DSCAML1: variants seen among roughly 807,000 people sequenced by gnomAD.
DSCAML1 encodes DS cell adhesion molecule like 1.
Under a neutral mutation model 200.5 loss-of-function variants are expected in DSCAML1, and 38 were observed. The observed-to-expected ratio is 0.19, with a 90% confidence interval of 0.15 to 0.25. The LOEUF is 0.25. DSCAML1 is among the 10% of genes least tolerant of loss of function. The probability of loss-of-function intolerance (pLI) is 1.00; values close to 1 mark genes in which losing one functional copy is unlikely to be tolerated. For synonymous variants in DSCAML1, 1,215 were observed against 1,165.0 expected (o/e 1.04, Z -0.87); for missense variants, 2,223 against 2,858.8 (o/e 0.78, Z 5.07).
chr11:117,775,998 G>T (rs1224585121), intron 3 of DSCAML1, among the ~76,000 whole-genome samples: 1 of 152,124 alleles, frequency 6.6e-6, no homozygotes, highest in African/African-American at 2.4e-5. Flanking sequence ...GGAAGAAAAC[G>T]CAGCAGAACC....
intron 3 of DSCAML1, among the ~76,000 whole-genome samples, chr11:117,602,022 C>G (rs1022688153): frequency 3.3e-5 from 5 of 152,240 alleles, no homozygotes; most frequent in African/African-American, 4.8e-5. Context: ...TGTAATGAGG[C>G]CATGAACCTG....
chr11:117,505,611 C>A lies in DSCAML1; in HGVS notation c.1905G>T (p.Gln635His). The change falls in exon 9 of 33, where the codon CAG (glutamine) becomes CAT (histidine). Residue 635 changes from glutamine to histidine, a missense_variant. By Grantham distance (24) the Gln-to-His change is conservative. Around this residue, in one of 7 missense-constraint regions of DSCAML1, gnomAD observed 212 missense variants for 368.0 expected, o/e 0.58. Transcript: ENST00000651296. This position sits in a 1 kb window ranked among gnomAD's most constrained non-coding sequence, Gnocchi z 6.7. ...TCACGCCCGAGCCTGAGATGATCAC[C>A]TGTCCGTCCTTCCTCCAGGTGATAC... ...PIRITWRKDG[Q>H]VIISGSGVTI... is the part of the protein sequence containing the mutation. The A allele has an allele frequency of 6.2e-7, 1 of 1,614,080 alleles. No homozygotes were observed. Among genetic ancestry groups the A allele is most frequent in the Non-Finnish European group, 8.5e-7 (1 of 1,180,038 alleles).
intron 3 of DSCAML1, among the ~76,000 whole-genome samples, chr11:117,684,406 G>A (rs187910728): frequency 2.0e-4 from 29 of 142,866 alleles, no homozygotes; most frequent in Admixed American, 9.4e-4. Context: ...TTTTTAGCTG[G>A]GAACAAACTG....
intron 3 of DSCAML1, among the ~76,000 whole-genome samples, chr11:117,555,927 A>C (rs1359648299): frequency 7.8e-6 from 1 of 128,674 alleles, no homozygotes; most frequent in Admixed American, 8.6e-5. Context: ...GGGGGAGCTT[A>C]TTCCAAGGGT....
intron 3 of DSCAML1, among the ~76,000 whole-genome samples, chr11:117,723,563 C>T (rs1431994709): frequency 2.6e-5 from 4 of 152,218 alleles, no homozygotes; most frequent in African/African-American, 9.7e-5. Flanking sequence ...TGAACCCACC[C>T]TGATTTCTGG....
intron 3 of DSCAML1, among the ~76,000 whole-genome samples, chr11:117,653,280 A>G (rs2052668377): frequency 6.6e-6 from 1 of 152,184 alleles, no homozygotes; most frequent in African/African-American, 2.4e-5. Context: ...GATTTTCCCC[A>G]GCCATGAAGT....
At chr11:117,528,742 A>C (rs1831608715) in intron 4 of DSCAML1, among the ~76,000 whole-genome samples, 1 of 152,162 alleles carries the variant, frequency 6.6e-6, no homozygotes, top group Non-Finnish European at 1.5e-5. Context: ...GCAGGTGACA[A>C]TGCCCATCCC....
intron 3 of DSCAML1, among the ~76,000 whole-genome samples, chr11:117,640,624 C>T (rs1419440578): frequency 1.3e-5 from 2 of 152,208 alleles, no homozygotes; most frequent in Non-Finnish European, 2.9e-5. Flanking sequence ...TTCTTCAAAA[C>T]ATGCCTTTAA....
intron 4 of DSCAML1, 114 bp from the exon 5 acceptor site, chr11:117,525,197 C>T (rs541635926): frequency 1.5e-5 from 20 of 1,310,164 alleles, no homozygotes; most frequent in African/African-American, 7.5e-5. Context: ...GCGCCCACAG[C>T]GAGCAGTTTC....
At chr11:117,758,016 A>G in intron 3 of DSCAML1, among the ~76,000 whole-genome samples, 1 of 132,690 alleles carries the variant, frequency 7.5e-6, no homozygotes, top group Non-Finnish European at 1.7e-5. Context: ...CAAACAAACA[A>G]AAATGGTCAG....
Position 117,530,161 on chromosome 11 carries a change from G to A in DSCAML1, c.658+2215C>T, listed in dbSNP as rs12288209. On this transcript the variant is annotated intron_variant, in intron 4 of 32. Coordinates refer to ENST00000651296, the MANE Select transcript of DSCAML1 (RefSeq NM_020693.4). ...TTTATCTGTGAGTCTCCTCCCCCTC[G>A]CCCCTTCTCCCGGAAGCTGGTGGTG... 9.9e-5 allele frequency among the ~76,000 whole-genome samples: 15 copies of A among 151,882 alleles called. No individual in the cohort carries two copies. In the South Asian group the frequency reaches 2.9e-3, roughly 30 times the overall value.
At position 117,437,036 on chromosome 11, in the gene DSCAML1, C is replaced by G. The variant is rs540635298; in HGVS notation, c.4720+86G>C. On this transcript the variant is annotated intron_variant, in intron 26 of 32. Transcript: ENST00000651296. This position sits in a 1 kb window ranked among gnomAD's most constrained non-coding sequence, Gnocchi z 5.3. ...CCTGCCTGTTTTTCTATTAGTCTGT[C>G]TCTTTATGTATCTGCCACTCTGCCC... 6.7e-7 allele frequency: 1 copy of G among 1,503,656 alleles called. No individual in the cohort carries two copies. Among genetic ancestry groups the G allele is most frequent in the Non-Finnish European group, 8.9e-7 (1 of 1,120,382 alleles). The allele number at this position is 1,503,656 out of a possible 1,614,324, so 93.1% of individuals were successfully genotyped here.
Position 117,461,477 on chromosome 11 carries a change from T to C in DSCAML1, c.3385A>G (p.Ile1129Val). The C allele has an allele frequency of 6.2e-7, 1 of 1,614,214 alleles. No individual in the cohort carries two copies. Among genetic ancestry groups the C allele is most frequent in the Non-Finnish European group, 8.5e-7 (1 of 1,180,046 alleles). Residue 1129 changes from isoleucine (I) to valine (V), a missense_variant, in exon 18 of 33, where the codon ATC becomes GTC. Physicochemically the swap from Ile to Val is conservative, Grantham distance 29 (BLOSUM62 3). Coordinates refer to ENST00000651296, the MANE Select transcript of DSCAML1 (RefSeq NM_020693.4). ...CCATCAACATAGAGGGACCAGAAGA[T>C]GACCCGATAGCCTTTGAGGACGCCA... ...LNGVLKGYRV[I>V]FWSLYVDGEW...
intron 3 of DSCAML1, among the ~76,000 whole-genome samples, chr11:117,718,861 AC>A (rs1037771436): frequency 2.6e-5 from 4 of 152,124 alleles, no homozygotes; most frequent in Non-Finnish European, 4.4e-5. Flanking sequence ...GGGTCAGCAA[AC>A]TTTTTCTGCA....
intron 3 of DSCAML1, among the ~76,000 whole-genome samples, chr11:117,766,428 C>A (rs1565271785): frequency 6.6e-6 from 1 of 152,290 alleles, no homozygotes; most frequent in East Asian, 1.9e-4. Context: ...TTTTTGAAAA[C>A]CCTATAATTT....
chr11:117,569,468 G>T (rs2050810584), intron 3 of DSCAML1, among the ~76,000 whole-genome samples: 1 of 152,078 alleles, frequency 6.6e-6, no homozygotes, highest in East Asian at 1.9e-4. Context: ...TTTGTGTAGA[G>T]GTGGGATTTC....
intron 3 of DSCAML1, among the ~76,000 whole-genome samples, chr11:117,631,762 A>AGCATCCG (rs987960767): frequency 1.3e-5 from 2 of 152,032 alleles, no homozygotes; most frequent in African/African-American, 4.8e-5. Flanking sequence ...CTAACCATCC[A>AGCATCCG]GCCACTCCTA....
chr11:117,643,779 C>G (rs566287994), intron 3 of DSCAML1, among the ~76,000 whole-genome samples: 1 of 152,164 alleles, frequency 6.6e-6, no homozygotes, highest in African/African-American at 2.4e-5. Flanking sequence ...CCGCCGTCAT[C>G]ACCATCAGGC....
chr11:117,574,407 G>T (rs2050897581), intron 3 of DSCAML1, among the ~76,000 whole-genome samples: 1 of 152,198 alleles, frequency 6.6e-6, no homozygotes, highest in South Asian at 2.1e-4. Flanking sequence ...GTATTAATGG[G>T]GAGCTGAGCT....
Sources: allele counts gnomAD v4.1 joint callset (sites outside exome capture counted in the v4.1 genomes callset), GRCh38; gene constraint gnomAD v4.1.1; regional missense constraint gnomAD v4.1.1; non-coding constraint Gnocchi (gnomAD v3.1); transcripts MANE v1.5; gene names NCBI Gene and HGNC (gene_info 2026-07-23, HGNC 2026-07-21).